Variants in FAXC observed in about 807,000 individuals in gnomAD.
FAXC encodes the protein failed axon connections homolog, metaxin like GST domain containing, also known as failed axon connections homolog.
FAXC carries 10 observed loss-of-function variants against 41.9 expected under a neutral mutation model. That is an observed-to-expected ratio of 0.24 (90% CI 0.15 to 0.41). The LOEUF is 0.41. Ranked by LOEUF, FAXC falls within the 10% of genes least tolerant of loss-of-function variation. The pLI, the probability that FAXC is intolerant of heterozygous loss-of-function variation, is 1.00. For missense variants in FAXC, 399 were observed against 510.9 expected (o/e 0.78, Z 2.11); for synonymous variants, 183 against 183.8 (o/e 1.00, Z 0.03).
intron 1 of FAXC, among the ~76,000 whole-genome samples, 167 bp downstream of exon 1, chr6:99,348,940 C>T (rs1773691285): frequency 6.6e-6 from 1 of 152,204 alleles, no homozygotes; most frequent in Admixed American, 6.5e-5. Context: ...CTAAACTGCC[C>T]CTCACGGCCA....
intron 3 of FAXC, among the ~76,000 whole-genome samples, chr6:99,327,757 C>A (rs1772869198): frequency 6.6e-6 from 1 of 152,228 alleles, no homozygotes; most frequent in South Asian, 2.1e-4. Context: ...ATCTTTGTTC[C>A]ATTCAAACCT....
chr6:99,286,724 T>C (rs1390017346), intron 5 of FAXC, among the ~76,000 whole-genome samples: 2 of 152,166 alleles, frequency 1.3e-5, no homozygotes, highest in Non-Finnish European at 2.9e-5. Flanking sequence ...TTTTAAGGAG[T>C]GCCCCAATCC....
At chr6:99,346,633 C>T (rs1330786377) in intron 1 of FAXC, among the ~76,000 whole-genome samples, 1 of 151,994 alleles carries the variant, frequency 6.6e-6, no homozygotes, top group Admixed American at 6.6e-5. Flanking sequence ...ATCTCTTGAC[C>T]TCGTGATCCG....
At position 99,304,313 on chromosome 6, in the gene FAXC, T is replaced by TA. The variant is rs201058389; in HGVS notation, c.824-12494_824-12493insT. On this transcript the variant is annotated intron_variant, in intron 4 of 5. Coordinates refer to ENST00000389677, the MANE Select transcript of FAXC (RefSeq NM_032511.4). ...AAAAATAAAAAATAAATAAAATAAT[T>TA]TAAAAAAAAAACACTGTCCACAAGG... Among the ~76,000 whole-genome samples the TA allele has an allele frequency of 8.1e-4, 123 of 150,932 alleles. 3 individuals are homozygous for TA. The East Asian group carries it at 0.023, about 28-fold the overall frequency.
intron 3 of FAXC, among the ~76,000 whole-genome samples, chr6:99,329,875 C>T (rs1772969362): frequency 1.3e-5 from 2 of 149,988 alleles, no homozygotes; most frequent in African/African-American, 4.9e-5. Context: ...CGCGTGCACA[C>T]ATACACACAG....
Position 99,291,791 on chromosome 6 carries a change from G to A in FAXC, c.853C>T (p.Leu285Phe), listed in dbSNP as rs1771254724. ...GDKKYIMGPK[L>F]STLDATVFGH... is the part of the protein sequence containing the mutation. ...AAGACAGTGGCGTCAAGAGTGGAAA[G>A]CTTGGGCCCCATGATGTACTTCTTA... The change falls in exon 5 of 6, where the codon CTT becomes TTT. Residue 285 changes from leucine to phenylalanine, a missense_variant. Around this residue, in one of 3 missense-constraint regions of FAXC, gnomAD observed 239 missense variants for 352.7 expected, o/e 0.68. Transcript: ENST00000389677. The A allele has an allele frequency of 6.2e-7, 1 of 1,613,998 alleles. No homozygotes were observed. Among genetic ancestry groups the A allele is most frequent in the Admixed American group, 1.7e-5 (1 of 59,996 alleles).
chr6:99,287,317 C>G (rs116591919), intron 5 of FAXC, among the ~76,000 whole-genome samples: 2 of 152,064 alleles, frequency 1.3e-5, no homozygotes, highest in Admixed American at 1.3e-4. Context: ...AGATTACATA[C>G]ATACCACAAT....
rs1245859089 is a variant in FAXC, at chr6:99,279,465, T to G, written c.*1699A>C. 9 of 118,714 alleles carry G rather than the reference T, an allele frequency of 7.6e-5. No homozygotes were observed. Among genetic ancestry groups the G allele is most frequent in the Admixed American group, 5.6e-4 (6 of 10,668 alleles). 7.4% of individuals were successfully genotyped at this position (118,714 alleles called of 1,614,324 possible). On this transcript the variant is annotated 3_prime_UTR_variant, in exon 6 of 6. Transcript: ENST00000389677. ...GCAAATGCTATATTCAAAAAGAGGT[T>G]TTTTTTTTTTCAAGTAAAGTGCATG...
At chr6:99,321,868 G>C (rs947162413) in intron 4 of FAXC, among the ~76,000 whole-genome samples, 23 of 152,242 alleles carry the variant, frequency 1.5e-4, no homozygotes, top group Non-Finnish European at 4.4e-5. Flanking sequence ...TTAAAGATGT[G>C]TGGTGCTTAT....
chr6:99,304,343 C>T (rs1771830386), intron 4 of FAXC, among the ~76,000 whole-genome samples: 1 of 151,612 alleles, frequency 6.6e-6, no homozygotes, highest in Non-Finnish European at 1.5e-5. Flanking sequence ...ACAAGGAAAC[C>T]CACTCTCCCT....
chr6:99,337,847 C>G (rs1773270180), intron 2 of FAXC, among the ~76,000 whole-genome samples: 1 of 152,090 alleles, frequency 6.6e-6, no homozygotes, highest in Non-Finnish European at 1.5e-5. Context: ...AATATTCATT[C>G]CCATTCCATT....
In FAXC at chr6:99,291,746, T is replaced by C. The variant is rs1454103719; in HGVS notation, c.898A>G (p.Met300Val). The stretch of plus-strand genomic sequence containing the variant: ...GGTCTTGTCCCTGGTAAGGTCCACA[T>C]TGCCTGTGCCAAGTGTCCAAAGACA... ...ATVFGHLAQA[M>V]WTLPGTRPER... Residue 300 changes from methionine to valine, a missense_variant, in exon 5 of 6, where the codon ATG (methionine) becomes GTG (valine). Met to Val is a conservative substitution (Grantham distance 21). Around this residue, in one of 3 missense-constraint regions of FAXC, gnomAD observed 239 missense variants for 352.7 expected, o/e 0.68. Coordinates refer to ENST00000389677, the MANE Select transcript of FAXC (RefSeq NM_032511.4). The C allele has an allele frequency of 1.9e-6, 3 of 1,612,798 alleles. No homozygotes were observed. Among genetic ancestry groups the C allele is most frequent in the Non-Finnish European group, 2.5e-6 (3 of 1,179,150 alleles).
intron 1 of FAXC, among the ~76,000 whole-genome samples, chr6:99,344,574 T>C (rs1773530673): frequency 6.6e-6 from 1 of 152,164 alleles, no homozygotes; most frequent in Non-Finnish European, 1.5e-5. Flanking sequence ...ATGACTCATT[T>C]TGAAAATATG....
At chr6:99,291,966 A>T in intron 4 of FAXC, 146 bp from the exon 5 acceptor site, 2 of 574,626 alleles carry the variant, frequency 3.5e-6, no homozygotes, top group Admixed American at 2.9e-5. Flanking sequence ...CCTTTTGCTT[A>T]AAAAAAAATA....
chr6:99,284,559 C>CTGTGTGTGTGTG (rs74553398), intron 5 of FAXC, among the ~76,000 whole-genome samples: 4 of 118,820 alleles, frequency 3.4e-5, no homozygotes, highest in South Asian at 5.2e-4. Flanking sequence ...TGTGGAGTGT[C>CTGTGTGTGTGTG]TGTGTGTGTG....
chr6:99,275,236 T>C lies in FAXC; in HGVS notation c.*5928A>G, dbSNP rs1770556777. 1 of 152,226 alleles carries C rather than the reference T, an allele frequency of 6.6e-6. No homozygotes were observed. The highest frequency in any genetic ancestry group is 6.5e-5 in the Admixed American group (1 of 15,282). The allele number at this position is 152,226 out of a possible 1,614,324, so 9.4% of individuals were successfully genotyped here. On this transcript the variant is annotated 3_prime_UTR_variant, in exon 6 of 6. Transcript: ENST00000389677. ...ACAACTTTTTATAAAGTTAACTGAT[T>C]ATGATACACATATATTGCTTTATGG...
At chr6:99,317,018 A>G (rs1035040903) in intron 4 of FAXC, among the ~76,000 whole-genome samples, 1 of 152,226 alleles carries the variant, frequency 6.6e-6, no homozygotes, top group African/African-American at 2.4e-5. Context: ...AAATAACTAA[A>G]AAGTCTGGTT....
At position 99,343,374 on chromosome 6, in the gene FAXC, C is replaced by T. The variant is rs370455579; in HGVS notation, c.267-341G>A. 5.3e-5 allele frequency among the ~76,000 whole-genome samples: 8 copies of T among 152,256 alleles called. No individual in the cohort carries two copies. In the East Asian group the frequency reaches 7.7e-4, roughly 15 times the overall value. On this transcript the variant is annotated intron_variant, in intron 1 of 5. Transcript: ENST00000389677. ...AGTACTGGTCCACCTATTCTCCAGC[C>T]GGCTGTATTTACCTGCTAGGACAAG...
At chr6:99,298,934 A>T (rs1353016574) in intron 4 of FAXC, among the ~76,000 whole-genome samples, 2 of 151,818 alleles carry the variant, frequency 1.3e-5, no homozygotes. Context: ...CCCAACCCCA[A>T]CCCTGCTGAA....
Sources: allele counts gnomAD v4.1 joint callset (sites outside exome capture counted in the v4.1 genomes callset), GRCh38; gene constraint gnomAD v4.1.1; regional missense constraint gnomAD v4.1.1; transcripts MANE v1.5; gene names NCBI Gene and HGNC (gene_info 2026-07-23, HGNC 2026-07-21).